The following DDX10 variants were observed in gnomAD, a reference collection of about 807,000 sequenced individuals.
The protein encoded by DDX10 is probable ATP-dependent RNA helicase DDX10.
In DDX10, 74 loss-of-function variants were observed where a neutral mutation model predicts 104.3. That is an observed-to-expected ratio of 0.71 (90% CI 0.59 to 0.86). The LOEUF (loss-of-function observed/expected upper bound fraction) is 0.86, where lower values mean the gene tolerates loss of function less well. DDX10 is among the 40% of genes least tolerant of loss of function. The pLI, the probability that DDX10 is intolerant of heterozygous loss-of-function variation, is 0.00. For synonymous variants in DDX10, 351 were observed against 353.4 expected (o/e 0.99, Z 0.08); for missense variants, 952 against 1,040.0 (o/e 0.92, Z 1.16).
chr11:108,892,564 A>C (rs1047601645), intron 16 of DDX10, among the ~76,000 whole-genome samples: 4 of 152,164 alleles, frequency 2.6e-5, no homozygotes, highest in Non-Finnish European at 1.5e-5. Context: ...ATGCCCGTGC[A>C]ATCAGCGTTT....
In DDX10 at chr11:108,917,975, A is replaced by C. The variant is rs1350709381; in HGVS notation, c.2407A>C (p.Ser803Arg). The C allele has an allele frequency of 6.2e-7, 1 of 1,613,722 alleles. No homozygotes were observed. Among genetic ancestry groups the C allele is most frequent in the Non-Finnish European group, 8.5e-7 (1 of 1,179,954 alleles). Residue 803 changes from serine (S) to arginine (R), a missense_variant, in exon 17 of 18, where the codon AGC (serine) becomes CGC (arginine). This residue lies in a region of DDX10 where 533 missense variants were observed against 534.1 expected (regional missense o/e 1.00). Transcript: ENST00000322536. ...ACTCCCAGATCCAGATAAATACAGA[A>C]GCTCTGAAGATTCAGATAGTGAAGA... ...STLPDPDKYRSSEDSDSEDME... is the reference protein window; with the variant it reads ...STLPDPDKYRRSEDSDSEDME...
chr11:108,710,485 G>A (rs1294232052), intron 10 of DDX10, among the ~76,000 whole-genome samples: 1 of 151,664 alleles, frequency 6.6e-6, no homozygotes, highest in Admixed American at 6.6e-5. Context: ...GGCCTACACA[G>A]GGTCAGGATC....
In DDX10 at chr11:108,888,655, G is replaced by T. The variant is rs534536580; in HGVS notation, c.2305-29218G>T. Among the ~76,000 whole-genome samples the T allele has an allele frequency of 7.2e-5, 11 of 152,152 alleles. No homozygotes were observed. The South Asian group carries it at 2.3e-3, about 32-fold the overall frequency. ...AGAATACCTATGTCCTTTCCTAATTGGATGAGATTGGCTTAAACTAAAGCA... is the reference window on the plus strand; with the variant it reads ...AGAATACCTATGTCCTTTCCTAATTTGATGAGATTGGCTTAAACTAAAGCA... On this transcript the variant is annotated intron_variant, in intron 16 of 17. Coordinates refer to ENST00000322536, the MANE Select transcript of DDX10 (RefSeq NM_004398.4).
chr11:108,710,923 C>A (rs751920906), intron 10 of DDX10, among the ~76,000 whole-genome samples: 2 of 152,188 alleles, frequency 1.3e-5, no homozygotes, highest in Non-Finnish European at 2.9e-5. Context: ...GCCACCATGC[C>A]TGGTTAATTT....
intron 7 of DDX10, among the ~76,000 whole-genome samples, chr11:108,691,360 A>T (rs184105763): frequency 7.2e-5 from 11 of 152,342 alleles, no homozygotes; most frequent in Admixed American, 2.0e-4. Flanking sequence ...TCAGTCTAGT[A>T]ATCCATAGTA....
intron 16 of DDX10, among the ~76,000 whole-genome samples, chr11:108,904,982 G>A (rs925055345): frequency 6.6e-6 from 1 of 152,176 alleles, no homozygotes; most frequent in Admixed American, 6.5e-5. Flanking sequence ...TGACCTTAAA[G>A]CTCAGGATAG....
At chr11:108,677,321 C>CA in intron 4 of DDX10, 78 bp downstream of exon 4, 1 of 1,327,698 alleles carries the variant, frequency 7.5e-7, no homozygotes, top group African/African-American at 1.5e-5. Context: ...AGGGAGGCAG[C>CA]AGAGACTTCA....
chr11:108,926,007 T>C (rs1466232701), intron 17 of DDX10, among the ~76,000 whole-genome samples: 3 of 152,186 alleles, frequency 2.0e-5, no homozygotes, highest in Admixed American at 1.3e-4. Flanking sequence ...ATCTTAGATA[T>C]TGAAAACTAA....
chr11:108,678,001 G>C (rs1277403137), intron 4 of DDX10, among the ~76,000 whole-genome samples: 2 of 152,010 alleles, frequency 1.3e-5, no homozygotes, highest in Non-Finnish European at 2.9e-5. Context: ...AGTGATTCCA[G>C]TTTATGTCAG....
At chr11:108,804,658 C>A (rs1383421130) in intron 13 of DDX10, among the ~76,000 whole-genome samples, 3 of 152,164 alleles carry the variant, frequency 2.0e-5, no homozygotes, top group Non-Finnish European at 4.4e-5. Flanking sequence ...TAAGTGTTGG[C>A]CAGTTTGCTT....
At chr11:108,848,007 C>T (rs1383290610) in intron 15 of DDX10, among the ~76,000 whole-genome samples, 3 of 152,124 alleles carry the variant, frequency 2.0e-5, no homozygotes, top group Admixed American at 1.3e-4. Flanking sequence ...AGCCATCAGA[C>T]GTTCTTTTAC....
chr11:108,846,628 G>A (rs867470856), intron 15 of DDX10, among the ~76,000 whole-genome samples: 45 of 152,160 alleles, frequency 3.0e-4, no homozygotes, highest in African/African-American at 1.0e-3. Flanking sequence ...AGGCTGAATA[G>A]TATTCCATTG....
intron 11 of DDX10, 31 bp downstream of exon 11, chr11:108,715,997 T>G: frequency 1.7e-6 from 2 of 1,158,730 alleles, no homozygotes; most frequent in Non-Finnish European, 2.6e-6. Flanking sequence ...ATACTTTCAT[T>G]GACTGGAAAA....
At position 108,666,752 on chromosome 11, in the gene DDX10, G is replaced by T. The variant is rs1175018123; in HGVS notation, c.186+1413G>T. ...CTCTGTTATAAGGGCGCTTACGATTGCGTTTAGGGCCTACACAGATAATCC... is the reference window on the plus strand; with the variant it reads ...CTCTGTTATAAGGGCGCTTACGATTTCGTTTAGGGCCTACACAGATAATCC... On this transcript the variant is annotated intron_variant, in intron 1 of 17. Coordinates refer to ENST00000322536, the MANE Select transcript of DDX10 (RefSeq NM_004398.4). Among the ~76,000 whole-genome samples, 4 of 152,144 alleles carry T rather than the reference G, an allele frequency of 2.6e-5. No homozygotes were observed. In the East Asian group the frequency reaches 7.7e-4, roughly 29 times the overall value.
intron 16 of DDX10, among the ~76,000 whole-genome samples, chr11:108,854,827 A>G (rs576358381): frequency 7.9e-5 from 12 of 152,174 alleles, no homozygotes; most frequent in African/African-American, 1.4e-4. Context: ...TGAATTTTCA[A>G]TTTTAGAAAT....
At chr11:108,675,194 C>T (rs2094222657) in intron 2 of DDX10, among the ~76,000 whole-genome samples, 1 of 151,696 alleles carries the variant, frequency 6.6e-6, no homozygotes, top group South Asian at 2.1e-4. Flanking sequence ...CATATCTTGG[C>T]TTCTGTGAAT....
At chr11:108,849,575 A>G (rs1340059903) in intron 15 of DDX10, among the ~76,000 whole-genome samples, 2 of 151,826 alleles carry the variant, frequency 1.3e-5, no homozygotes, top group Non-Finnish European at 2.9e-5. Flanking sequence ...TTGAAATTTG[A>G]TTTTCTGTTT....
chr11:108,909,650 C>T (rs184138590), intron 16 of DDX10, among the ~76,000 whole-genome samples: 218 of 152,266 alleles, frequency 1.4e-3, no homozygotes, highest in Non-Finnish European at 1.7e-3. Context: ...AATTTGTAGT[C>T]TACTGGCCAC....
chr11:108,786,036 G>A (rs1471598139), intron 13 of DDX10, among the ~76,000 whole-genome samples: 2 of 152,024 alleles, frequency 1.3e-5, no homozygotes, highest in Non-Finnish European at 2.9e-5. Context: ...ATTTTTATAA[G>A]TTGTGTCTCT....
Sources: gnomAD v4.1 joint callset for allele counts (sites outside exome capture counted in the v4.1 genomes callset) on GRCh38, gnomAD v4.1.1 for gene constraint, gnomAD v4.1.1 regional missense constraint, MANE v1.5 for transcripts, NCBI Gene and HGNC (gene_info 2026-07-23, HGNC 2026-07-21) for gene names.